KDM6A: variants seen among roughly 807,000 people sequenced by gnomAD.
KDM6A encodes the protein lysine-specific demethylase 6A.
In KDM6A, 11 loss-of-function variants were observed where a neutral mutation model predicts 117.6. The observed-to-expected ratio is 0.09, with a 90% CI of 0.06 to 0.15. The LOEUF is 0.15. Ranked by LOEUF, KDM6A falls within the 10% of genes least tolerant of loss-of-function variation. The pLI, the probability that KDM6A is intolerant of heterozygous loss-of-function variation, is 1.00. For synonymous variants in KDM6A, 384 were observed against 396.1 expected, an observed-to-expected ratio of 0.97 and a Z score of 0.36; for missense variants, 799 against 1,077.3, an observed-to-expected ratio of 0.74 and a Z score of 3.62.
At chrX:44,965,539 G>A (rs2038964977) in intron 3 of KDM6A, among the ~76,000 whole-genome samples, 1 of 111,543 alleles carries the variant, frequency 9.0e-6, no homozygotes, top group South Asian at 3.8e-4. Flanking sequence ...ATGTATTAGG[G>A]AATACAGAAG....
intron 4 of KDM6A, among the ~76,000 whole-genome samples, chrX:45,004,002 C>CT (rs1458911084): frequency 9.2e-6 from 1 of 108,164 alleles, no homozygotes; most frequent in East Asian, 2.9e-4. Flanking sequence ...TCTCTTTCCC[C>CT]TTTTACCCCG....
chrX:45,032,815 A>G (rs1014890268), intron 6 of KDM6A, among the ~76,000 whole-genome samples: 3 of 111,920 alleles, frequency 2.7e-5, no homozygotes, highest in Non-Finnish European at 5.6e-5. Flanking sequence ...TTGGTATTTC[A>G]TAGTGTTGTG....
At chrX:44,992,932 G>A (rs1172192956) in intron 4 of KDM6A, among the ~76,000 whole-genome samples, 1 of 112,003 alleles carries the variant, frequency 8.9e-6, no homozygotes, top group Non-Finnish European at 1.9e-5. Context: ...ATATATAGTT[G>A]TCAATGCCTA....
chrX:44,952,288 T>TTTTTTA (rs2038052216), intron 2 of KDM6A, among the ~76,000 whole-genome samples: 1 of 105,251 alleles, frequency 9.5e-6, no homozygotes, highest in African/African-American at 3.6e-5. Flanking sequence ...TTTTTTTTTT[T>TTTTTTA]GAGACGTAGT....
intron 4 of KDM6A, among the ~76,000 whole-genome samples, chrX:45,001,361 G>A (rs761529934): frequency 9.0e-6 from 1 of 111,688 alleles, no homozygotes; most frequent in African/African-American, 3.3e-5. Context: ...TACAAAAACC[G>A]GTTGGGGCAG....
At chrX:45,034,110 G>C (rs1332069856) in intron 6 of KDM6A, among the ~76,000 whole-genome samples, 3 of 110,936 alleles carry the variant, frequency 2.7e-5, no homozygotes, top group Non-Finnish European at 3.8e-5. Flanking sequence ...AGAGTTTAAA[G>C]AGATTTACTC....
In KDM6A at chrX:44,913,527, T is replaced by C. The variant is rs568880222; in HGVS notation, c.225+39540T>C. Among the ~76,000 whole-genome samples the C allele has an allele frequency of 5.2e-4, 57 of 110,187 alleles. 1 individual carries two copies. In the South Asian group the frequency reaches 0.022, roughly 43 times the overall value. On this transcript the variant is annotated intron_variant, in intron 2 of 29. Coordinates refer to ENST00000611820, the MANE Select transcript of KDM6A (RefSeq NM_001291415.2). Reference sequence around the variant, plus strand: ...CATGTTGGCCAGGCTGGTCTCGAACTCCTGACCTCAGGTGATCTGCCCGTC... The same window carrying C: ...CATGTTGGCCAGGCTGGTCTCGAACCCCTGACCTCAGGTGATCTGCCCGTC...
At chrX:45,087,146 A>G (rs919878124) in intron 25 of KDM6A, among the ~76,000 whole-genome samples, 6 of 112,154 alleles carry the variant, frequency 5.3e-5, no homozygotes, top group African/African-American at 1.9e-4. Flanking sequence ...GTGTGCCACC[A>G]TGCCCTGCTA....
intron 2 of KDM6A, among the ~76,000 whole-genome samples, chrX:44,890,642 CTTTTTTTTTTTTTT>C (rs761568154): frequency 1.2e-4 from 4 of 34,766 alleles, no homozygotes; most frequent in African/African-American, 2.6e-4. Context: ...TGATGTTGAA[CTTTTTTTTTTTTTT>C]TTTTTTTTTT....
At chrX:44,893,661 C>T (rs1310576420) in intron 2 of KDM6A, among the ~76,000 whole-genome samples, 1 of 109,813 alleles carries the variant, frequency 9.1e-6, no homozygotes, top group African/African-American at 3.3e-5. Flanking sequence ...AGGTGCCCGC[C>T]ACCATGCCTG....
At chrX:45,016,246 T>C (rs972970350) in intron 5 of KDM6A, among the ~76,000 whole-genome samples, 2 of 111,595 alleles carry the variant, frequency 1.8e-5, no homozygotes, top group Admixed American at 1.9e-4. Flanking sequence ...ATGTTTCTAA[T>C]TATTTAGAAA....
intron 2 of KDM6A, among the ~76,000 whole-genome samples, chrX:44,933,254 A>G (rs1466272587): frequency 1.6e-5 from 1 of 63,930 alleles, no homozygotes; most frequent in Non-Finnish European, 2.9e-5. Flanking sequence ...CTCACAGTTT[A>G]TGTTGATTTT....
intron 6 of KDM6A, among the ~76,000 whole-genome samples, chrX:45,034,304 G>C (rs994842648): frequency 2.7e-5 from 3 of 111,903 alleles, no homozygotes; most frequent in Non-Finnish European, 5.6e-5. Flanking sequence ...AGTGGATTCT[G>C]TATTAGTGGT....
chrX:44,916,078 C>T (rs1716436997), intron 2 of KDM6A, among the ~76,000 whole-genome samples: 1 of 110,424 alleles, frequency 9.1e-6, no homozygotes, highest in African/African-American at 3.3e-5. Context: ...TCTATTGTGC[C>T]TAGTTTATAA....
chrX:44,977,491 T>C (rs926477080), intron 4 of KDM6A, among the ~76,000 whole-genome samples: 2 of 111,410 alleles, frequency 1.8e-5, no homozygotes, highest in Non-Finnish European at 3.8e-5. Flanking sequence ...ACTCAATCAC[T>C]GGCCTCAAGT....
At chrX:44,888,472 TG>T (rs2033079154) in intron 2 of KDM6A, among the ~76,000 whole-genome samples, 1 of 112,403 alleles carries the variant, frequency 8.9e-6, no homozygotes, top group Non-Finnish European at 1.9e-5. Flanking sequence ...GTTTTTCATT[TG>T]TATTTTTAGG....
At chrX:44,935,953 C>T (rs2036942032) in intron 2 of KDM6A, among the ~76,000 whole-genome samples, 1 of 112,204 alleles carries the variant, frequency 8.9e-6, no homozygotes, top group African/African-American at 3.2e-5. Flanking sequence ...GAATGAGAAT[C>T]ACAAAGGTGG....
At chrX:44,908,464 C>T (rs2034870495) in intron 2 of KDM6A, among the ~76,000 whole-genome samples, 1 of 111,497 alleles carries the variant, frequency 9.0e-6, no homozygotes, top group Non-Finnish European at 1.9e-5. Context: ...TGTGTGGCAC[C>T]TTGGCAAGGA....
chrX:44,988,845 A>T (rs1190108418), intron 4 of KDM6A, among the ~76,000 whole-genome samples: 3 of 110,342 alleles, frequency 2.7e-5, no homozygotes, highest in Non-Finnish European at 5.7e-5. Flanking sequence ...CAGTTAGGCT[A>T]CTCGGGGGTC....
Sources: allele counts gnomAD v4.1 joint callset (sites outside exome capture counted in the v4.1 genomes callset), GRCh38; gene constraint gnomAD v4.1.1; transcripts MANE v1.5; gene names NCBI Gene and HGNC (gene_info 2026-07-23, HGNC 2026-07-21).